The following PDZD2 variants were observed in gnomAD, a reference collection of about 807,000 sequenced individuals.
The protein encoded by PDZD2 is PDZ domain-containing protein 2.
PDZD2 carries 90 observed loss-of-function variants against 220.7 expected under a neutral mutation model. The observed-to-expected ratio is 0.41, with a 90% confidence interval of 0.34 to 0.49. The LOEUF is 0.49. Ranked by LOEUF, PDZD2 falls within the 20% of genes least tolerant of loss-of-function variation. The pLI, the probability that PDZD2 is intolerant of heterozygous loss-of-function variation, is 0.28. For missense variants in PDZD2, 3,174 were observed against 3,608.5 expected (o/e 0.88, Z 3.08); for synonymous variants, 1,375 against 1,450.5 (o/e 0.95, Z 1.18).
At chr5:31,786,966 T>C (rs1753416475) in intron 1 of PDZD2, among the ~76,000 whole-genome samples, 1 of 152,318 alleles carries the variant, frequency 6.6e-6, no homozygotes, top group South Asian at 2.1e-4. Context: ...ATTTGTAAAA[T>C]ATCTATCCTG....
intron 1 of PDZD2, among the ~76,000 whole-genome samples, chr5:31,728,457 C>G (rs1427743714): frequency 6.6e-6 from 1 of 152,004 alleles, no homozygotes; most frequent in Non-Finnish European, 1.5e-5. Flanking sequence ...AATGTAAAAC[C>G]CAAATGCTCT....
intron 18 of PDZD2, among the ~76,000 whole-genome samples, chr5:32,075,042 C>T (rs1741162993): frequency 6.6e-6 from 1 of 152,094 alleles, no homozygotes; most frequent in African/African-American, 2.4e-5. Flanking sequence ...GAACTCCTGG[C>T]CTCAGGTGAT....
At chr5:31,653,237 T>G (rs547971015) in intron 1 of PDZD2, among the ~76,000 whole-genome samples, 190 of 152,260 alleles carry the variant, frequency 1.2e-3, no homozygotes, top group African/African-American at 4.5e-3. Flanking sequence ...TTTTATCAGT[T>G]GATATCAGCT....
At chr5:32,093,404 C>A (rs1743358524) in intron 21 of PDZD2, among the ~76,000 whole-genome samples, 1 of 152,150 alleles carries the variant, frequency 6.6e-6, no homozygotes. Context: ...AGGGAGCCAC[C>A]TGCTGGTGAG....
intron 6 of PDZD2, among the ~76,000 whole-genome samples, chr5:32,029,945 G>A (rs1754992508): frequency 1.3e-5 from 2 of 152,200 alleles, no homozygotes; most frequent in African/African-American, 4.8e-5. Context: ...TGGAGTTCAC[G>A]ACCATGAACT....
intron 2 of PDZD2, among the ~76,000 whole-genome samples, chr5:31,883,798 C>T (rs1479599390): frequency 2.6e-5 from 4 of 152,106 alleles, no homozygotes; most frequent in South Asian, 2.1e-4. Context: ...GGTGAGGTTT[C>T]GCTGTGTTGG....
In PDZD2 at chr5:31,995,735, C is replaced by T. The variant is rs1443472669; in HGVS notation, c.1121+17C>T. 1.2e-6 allele frequency: 2 copies of T among 1,609,284 alleles called. No individual in the cohort carries two copies. The highest frequency in any genetic ancestry group is 1.7e-6 in the Non-Finnish European group (2 of 1,177,836). The stretch of plus-strand genomic sequence containing the variant: ...CGCTCACAGGTGACTAGATAACTCT[C>T]CCCTCTCCCCCATCCCTCTGCCTCC... On this transcript the variant is annotated intron_variant, in intron 4 of 24. Coordinates refer to ENST00000438447, the MANE Select transcript of PDZD2 (RefSeq NM_178140.4).
intron 3 of PDZD2, among the ~76,000 whole-genome samples, chr5:31,994,374 C>T (rs537989951): frequency 1.3e-5 from 2 of 151,968 alleles, no homozygotes; most frequent in East Asian, 1.9e-4. Context: ...ATTTAGGGAA[C>T]GTGCAGCCCA....
chr5:31,929,901 A>T (rs1242171179), intron 2 of PDZD2, among the ~76,000 whole-genome samples: 1 of 152,190 alleles, frequency 6.6e-6, no homozygotes, highest in African/African-American at 2.4e-5. Context: ...TGACTGGATC[A>T]TGGGGGAGGA....
intron 6 of PDZD2, among the ~76,000 whole-genome samples, chr5:32,019,846 T>C (rs1009558437): frequency 4.6e-5 from 7 of 152,162 alleles, no homozygotes; most frequent in Non-Finnish European, 1.0e-4. Context: ...AGAAGTCATG[T>C]AATGACTTTC....
intron 7 of PDZD2, among the ~76,000 whole-genome samples, chr5:32,040,377 G>A (rs142466358): frequency 3.3e-5 from 5 of 149,548 alleles, no homozygotes; most frequent in Non-Finnish European, 5.9e-5. Flanking sequence ...TCTAGGAAGT[G>A]AGGAGTGCGT....
chr5:31,929,782 A>G (rs72757984), intron 2 of PDZD2, among the ~76,000 whole-genome samples: 21,790 of 151,852 alleles, frequency 0.14, 1,627 homozygotes, highest in South Asian at 0.24. Context: ...TAGCATGACT[A>G]TCTGTGGGTT....
intron 1 of PDZD2, among the ~76,000 whole-genome samples, chr5:31,728,527 G>A (rs1379039137): frequency 1.3e-5 from 2 of 152,176 alleles, no homozygotes; most frequent in South Asian, 2.1e-4. Context: ...TGCTCCTTGC[G>A]AGTGCTAATG....
chr5:32,078,662 A>C (rs1741585047), intron 19 of PDZD2, among the ~76,000 whole-genome samples: 1 of 134,234 alleles, frequency 7.4e-6, no homozygotes, highest in African/African-American at 2.8e-5. Flanking sequence ...AAAAAAAAGG[A>C]AATTAGTTAG....
chr5:31,894,870 C>T (rs571578916), intron 2 of PDZD2, among the ~76,000 whole-genome samples: 1 of 152,194 alleles, frequency 6.6e-6, no homozygotes, highest in African/African-American at 2.4e-5. Flanking sequence ...TTGTCCCAGT[C>T]TTGCTCTCCT....
intron 2 of PDZD2, among the ~76,000 whole-genome samples, chr5:31,858,486 T>C (rs773729572): frequency 6.6e-6 from 1 of 152,198 alleles, no homozygotes; most frequent in Non-Finnish European, 1.5e-5. Context: ...AAACTAACTT[T>C]GGGAGGAACT....
At position 31,848,439 on chromosome 5, in the gene PDZD2, C is replaced by G. The variant is rs142755108; in HGVS notation, c.476+48715C>G. Among the ~76,000 whole-genome samples, 650 of 152,344 alleles carry G rather than the reference C, an allele frequency of 4.3e-3. 5 individuals are homozygous for G. Among genetic ancestry groups the G allele is most frequent in the African/African-American group, 0.015 (634 of 41,590 alleles). ...TTCAGCTTTGTGGGAGATAGCAATGCACCCTCCCTATCAGAAAGTGAACTT... is the reference window on the plus strand; with the variant it reads ...TTCAGCTTTGTGGGAGATAGCAATGGACCCTCCCTATCAGAAAGTGAACTT... On this transcript the variant is annotated intron_variant, in intron 2 of 24. Coordinates refer to ENST00000438447, the MANE Select transcript of PDZD2 (RefSeq NM_178140.4).
intron 1 of PDZD2, among the ~76,000 whole-genome samples, chr5:31,696,860 G>A (rs1373639676): frequency 2.0e-5 from 3 of 152,148 alleles, no homozygotes; most frequent in African/African-American, 7.2e-5. Context: ...TCCTATGTTG[G>A]AGAGACAGTC....
At chr5:32,050,085 C>A (rs1581376510) in intron 8 of PDZD2, among the ~76,000 whole-genome samples, 1 of 152,286 alleles carries the variant, frequency 6.6e-6, no homozygotes, top group East Asian at 1.9e-4. Flanking sequence ...TGTGTGCCAC[C>A]ACACCCAGCT....
Sources: gnomAD v4.1 joint callset for allele counts (sites outside exome capture counted in the v4.1 genomes callset) on GRCh38, gnomAD v4.1.1 for gene constraint, MANE v1.5 for transcripts, NCBI Gene and HGNC (gene_info 2026-07-23, HGNC 2026-07-21) for gene names.